Variants in ARHGEF1 observed in about 807,000 individuals in gnomAD.
The protein encoded by ARHGEF1 is 115 kDa guanine nucleotide exchange factor.
Under a neutral mutation model 119.7 loss-of-function variants are expected in ARHGEF1, and 40 were observed. The observed-to-expected ratio is 0.33, with a 90% CI of 0.26 to 0.44. The LOEUF is 0.44. Ranked by LOEUF, ARHGEF1 falls within the 20% of genes least tolerant of loss-of-function variation. ARHGEF1 has a pLI of 1.00. For missense variants in ARHGEF1, 976 were observed against 1,268.3 expected, an observed-to-expected ratio of 0.77 and a Z score of 3.50; for synonymous variants, 494 against 521.0, an observed-to-expected ratio of 0.95 and a Z score of 0.71.
chr19:41,896,810 T>TCTCCTCTCTCACCTACCCC lies in ARHGEF1; in HGVS notation c.1121+342_1121+343insACCCCCTCCTCTCTCACCT. ...TTTCCCCCTCCTCTCTCACCTCCCC[T>TCTCCTCTCTCACCTACCCC]CTCCTCTCTCACCTCCCCCATCCTC... On this transcript the variant is annotated intron_variant, in intron 13 of 28. Coordinates refer to ENST00000354532, the MANE Select transcript of ARHGEF1 (RefSeq NM_004706.4). The TCTCCTCTCTCACCTACCCC allele has an allele frequency of 9.9e-6, 3 of 302,788 alleles. 1 individual carries two copies. The highest frequency in any genetic ancestry group is 5.8e-5 in the South Asian group (3 of 52,160). 18.8% of individuals were successfully genotyped at this position (302,788 alleles called of 1,614,324 possible). A position where few individuals can be genotyped will look rare whatever the true frequency, so the allele number is the denominator to read the frequency against.
rs2078039364 is a variant in ARHGEF1, at chr19:41,888,196, C to A, written c.29C>A (p.Ser10Tyr). The part of the protein sequence containing the change: MEDFARGAA[S>Y]PGPSRPGLVP... Reference sequence around the variant, plus strand: ...AGCTGCCCTCCCTTTCCACAGGCCTCCCCAGGCCCCTCCCGGCCTGGCCTG... The same window carrying A: ...AGCTGCCCTCCCTTTCCACAGGCCTACCCAGGCCCCTCCCGGCCTGGCCTG... Residue 10 changes from serine (S) to tyrosine (Y), a missense_variant, in exon 3 of 29, where the codon TCC (serine) becomes TAC (tyrosine). By Grantham distance (144) the Ser-to-Tyr change is moderately radical. Transcript: ENST00000354532. The surrounding 1 kb of genome is among the most constrained non-coding windows in gnomAD (Gnocchi z 5.1). 1.9e-6 allele frequency: 3 copies of A among 1,614,134 alleles called. No homozygotes were observed. Among genetic ancestry groups the A allele is most frequent in the Non-Finnish European group, 2.5e-6 (3 of 1,179,992 alleles).
chr19:41,887,008 G>A (rs11880977), intron 1 of ARHGEF1, among the ~76,000 whole-genome samples: 5,439 of 152,278 alleles, frequency 0.036, 323 homozygotes, highest in African/African-American at 0.12. Flanking sequence ...AAAGATGGGA[G>A]AGACAGCAAG....
intron 12 of ARHGEF1, 104 bp downstream of exon 12, chr19:41,895,590 C>T (rs972817227): frequency 2.3e-6 from 3 of 1,280,314 alleles, no homozygotes; most frequent in Non-Finnish European, 3.2e-6. Context: ...CCCAGCAACA[C>T]CTCCCCTTTG....
chr19:41,896,394 G>T lies in ARHGEF1; in HGVS notation c.1033G>T (p.Glu345Ter). ...DREPGADAPL[E>*]LGDSSPQGPM... ...CCCCACAGGTGCTGACGCCCCCCTGGAGCTGGGGGACTCATCCCCGCAGGG... is the reference window on the plus strand; with the variant it reads ...CCCCACAGGTGCTGACGCCCCCCTGTAGCTGGGGGACTCATCCCCGCAGGG... The change falls in exon 13 of 29, where the codon GAG becomes TAG. Residue 345 changes from glutamate to a stop codon, truncating the protein, a stop_gained. Coordinates refer to ENST00000354532, the MANE Select transcript of ARHGEF1 (RefSeq NM_004706.4). LOFTEE classifies it high-confidence loss of function. The T allele has an allele frequency of 7.0e-7, 1 of 1,438,160 alleles. No individual in the cohort carries two copies. Among genetic ancestry groups the T allele is most frequent in the Non-Finnish European group, 9.1e-7 (1 of 1,094,134 alleles). The allele number at this position is 1,438,160 out of a possible 1,614,324, so 89.1% of individuals were successfully genotyped here.
intron 4 of ARHGEF1, chr19:41,890,326 CAA>C (rs1163979398): frequency 2.8e-5 from 4 of 144,180 alleles, no homozygotes; most frequent in Non-Finnish European, 6.1e-5. Context: ...GCCTGGGCGA[CAA>C]GAGTGAAACC....
chr19:41,910,069 C>T (rs2074743669), downstream of ARHGEF1: 1 of 1,613,204 alleles, frequency 6.2e-7, no homozygotes, highest in Non-Finnish European at 8.5e-7. This position sits in a 1 kb window ranked among gnomAD's most constrained non-coding sequence, Gnocchi z 4.4. Flanking sequence ...ATGACTCTGG[C>T]TTGTAGGCCC....
Position 41,902,436 on chromosome 19 carries a change from T to C in ARHGEF1, c.1497+80T>C. On this transcript the variant is annotated intron_variant, in intron 16 of 28. Transcript: ENST00000354532. This position sits in a 1 kb window ranked among gnomAD's most constrained non-coding sequence, Gnocchi z 6.5. ...GGGACGGGTCCTGAGCCCACCCTAC[T>C]CCAGTCCCAGGGTCTGGGCTTCCAG... 6.2e-7 allele frequency: 1 copy of C among 1,611,232 alleles called. No homozygotes were observed. Among genetic ancestry groups the C allele is most frequent in the South Asian group, 1.1e-5 (1 of 90,852 alleles).
At position 41,905,205 on chromosome 19, in the gene ARHGEF1, A is replaced by G. The variant is rs2074670239; in HGVS notation, c.2280A>G (p.Gly760=). The G allele has an allele frequency of 1.2e-6, 2 of 1,613,852 alleles. No individual in the cohort carries two copies. Among genetic ancestry groups the G allele is most frequent in the Admixed American group, 1.7e-5 (1 of 59,976 alleles). The change falls in exon 24 of 29, where the codon GGA becomes GGG. Residue 760 remains glycine (G), a synonymous_variant. Coordinates refer to ENST00000354532, the MANE Select transcript of ARHGEF1 (RefSeq NM_004706.4). This position sits in a 1 kb window ranked among gnomAD's most constrained non-coding sequence, Gnocchi z 6.4. ...NWCALITETA[G]SLKVPAPASR... is the part of the protein sequence containing the mutation. ...GTGCTCTCATCACTGAGACTGCCGG[A>G]TCCCTGAAAGTCCCTGCCCCTGCCT...
chr19:41,908,019 A>G (rs2074727613), downstream of ARHGEF1: 1 of 420,226 alleles, frequency 2.4e-6, no homozygotes. This position sits in a 1 kb window ranked among gnomAD's most constrained non-coding sequence, Gnocchi z 6.7. Context: ...CCTGGGGAGG[A>G]GGCCGGAGGC....
At position 41,904,120 on chromosome 19, in the gene ARHGEF1, A is replaced by C. The variant is rs782664806; in HGVS notation, c.1993+10A>C. On this transcript the variant is annotated intron_variant, in intron 21 of 28. Transcript: ENST00000354532. This position sits in a 1 kb window ranked among gnomAD's most constrained non-coding sequence, Gnocchi z 8.4. ...AAGGACAAGGCAGTGGGTGAGTGCCAGAGCAGCTGCCTAGTGCAGGGTGTT... is the reference window on the plus strand; with the variant it reads ...AAGGACAAGGCAGTGGGTGAGTGCCCGAGCAGCTGCCTAGTGCAGGGTGTT... The C allele has an allele frequency of 1.2e-6, 2 of 1,614,174 alleles. No individual in the cohort carries two copies. The highest frequency in any genetic ancestry group is 1.7e-6 in the Non-Finnish European group (2 of 1,179,996).
In ARHGEF1 at chr19:41,902,116, G is replaced by T; in HGVS notation, c.1414+83G>T. On this transcript the variant is annotated intron_variant, in intron 15 of 28. Transcript: ENST00000354532. The surrounding 1 kb of genome is among the most constrained non-coding windows in gnomAD (Gnocchi z 6.5). The stretch of plus-strand genomic sequence containing the variant: ...CTAGCCCTGGGTTCAACCTGCTCGG[G>T]AACCCCAGGGTTCACATGGGGTGGG... 1 of 1,579,958 alleles carries T rather than the reference G, an allele frequency of 6.3e-7. No homozygotes were observed. The highest frequency in any genetic ancestry group is 8.6e-7 in the Non-Finnish European group (1 of 1,159,572).
Position 41,893,265 on chromosome 19 carries a change from C to T in ARHGEF1, c.615-9C>T, listed in dbSNP as rs200700417. On this transcript the variant is annotated splice_polypyrimidine_tract_variant and intron_variant, in intron 7 of 28. Transcript: ENST00000354532. ...AAATATGTCACAAACATCTCTCTTC[C>T]TCCTACAGACATACCATCTCTACCG... 1 of 1,612,228 alleles carries T rather than the reference C, an allele frequency of 6.2e-7. No homozygotes were observed. The highest frequency in any genetic ancestry group is 2.2e-5 in the East Asian group (1 of 44,758).
At chr19:41,885,660 C>T (rs782768771) in intron 1 of ARHGEF1, among the ~76,000 whole-genome samples, 5 of 152,206 alleles carry the variant, frequency 3.3e-5, no homozygotes, top group African/African-American at 4.8e-5. Flanking sequence ...CAGGGTTTCA[C>T]TATGTTGGCC....
At chr19:41,908,213 T>C (rs2074729219), downstream of ARHGEF1, 4 of 1,231,652 alleles carry the variant, frequency 3.2e-6, no homozygotes, top group Middle Eastern at 3.1e-4. This position sits in a 1 kb window ranked among gnomAD's most constrained non-coding sequence, Gnocchi z 6.7. Context: ...GCAGAATCCA[T>C]TGCCCCCTGC....
chr19:41,929,090 C>T (rs888631393), intron 2 of ARHGEF1: 23 of 313,830 alleles, frequency 7.3e-5, no homozygotes, highest in East Asian at 1.9e-4. Context: ...CACACACATG[C>T]GGACCGTAAT....
chr19:41,887,669 C>G (rs2074314105), intron 1 of ARHGEF1, among the ~76,000 whole-genome samples: 1 of 152,140 alleles, frequency 6.6e-6, no homozygotes, highest in Non-Finnish European at 1.5e-5. Flanking sequence ...CGCCTCTCCT[C>G]TAACCCTCCC....
intron 1 of ARHGEF1, 105 bp from the exon 2 acceptor site, chr19:41,887,959 G>C (rs1174801997): frequency 1.6e-6 from 2 of 1,286,326 alleles, no homozygotes; most frequent in African/African-American, 3.1e-5. Context: ...GCTGGGATGG[G>C]GGAGGCTGTT....
chr19:41,896,236 G>A (rs2074482917), intron 12 of ARHGEF1, 141 bp from the exon 13 acceptor site: 4 of 451,630 alleles, frequency 8.9e-6, no homozygotes, highest in Non-Finnish European at 1.6e-5. Flanking sequence ...ACATCTGTCC[G>A]TCCCGTGCTG....
Position 41,892,581 on chromosome 19 carries a change from G to A in ARHGEF1, c.368-22G>A. ...CAAGCCACCAGGGAGCTGGACCCTA[G>A]CCCCCATGTGTGTCCCTGCAGACCG... On this transcript the variant is annotated intron_variant, in intron 6 of 28. Coordinates refer to ENST00000354532, the MANE Select transcript of ARHGEF1 (RefSeq NM_004706.4). This position sits in a 1 kb window ranked among gnomAD's most constrained non-coding sequence, Gnocchi z 6.3. 1.3e-6 allele frequency: 2 copies of A among 1,569,498 alleles called. No homozygotes were observed. Among genetic ancestry groups the A allele is most frequent in the Non-Finnish European group, 1.7e-6 (2 of 1,152,576 alleles).
Sources: gnomAD v4.1 joint callset for allele counts (sites outside exome capture counted in the v4.1 genomes callset) on GRCh38, gnomAD v4.1.1 for gene constraint, Gnocchi (gnomAD v3.1) non-coding constraint, MANE v1.5 for transcripts, NCBI Gene and HGNC (gene_info 2026-07-23, HGNC 2026-07-21) for gene names.